The following MAML2 variants were observed in gnomAD, a reference collection of about 807,000 sequenced individuals.
MAML2 encodes mastermind-like protein 2.
In MAML2, 22 loss-of-function variants were observed where a neutral mutation model predicts 96.1. The ratio of observed to expected loss-of-function variants is 0.23; its 90% CI spans 0.16 to 0.33. The LOEUF (loss-of-function observed/expected upper bound fraction) is 0.33, where lower values mean the gene tolerates loss of function less well. Among genes scored for constraint, MAML2 ranks in the 10% least tolerant of loss-of-function variants. MAML2 has a pLI of 1.00. For missense variants in MAML2, 1,367 were observed against 1,392.4 expected (o/e 0.98, Z 0.29); for synonymous variants, 561 against 521.3 (o/e 1.08, Z -1.04).
intron 1 of MAML2, among the ~76,000 whole-genome samples, chr11:96,180,487 T>G (rs1220415004): frequency 6.6e-6 from 1 of 152,224 alleles, no homozygotes; most frequent in Non-Finnish European, 1.5e-5. Context: ...AGACTACATG[T>G]AGGTGTTCTG....
rs141090089 is a variant in MAML2, at chr11:96,041,046, T to C, written c.2140-49323A>G. On this transcript the variant is annotated intron_variant, in intron 2 of 4. Transcript: ENST00000524717. The stretch of plus-strand genomic sequence containing the variant: ...GTTCCAGTATGTGATTATACCACAA[T>C]TTATTTACCCTTCCAGTTGCTGATG... Among the ~76,000 whole-genome samples the C allele has an allele frequency of 3.3e-5, 5 of 152,332 alleles. No individual in the cohort carries two copies. The East Asian group carries it at 7.7e-4, about 24-fold the overall frequency.
At chr11:96,009,035 TTA>T (rs1248420612) in intron 2 of MAML2, among the ~76,000 whole-genome samples, 1 of 152,200 alleles carries the variant, frequency 6.6e-6, no homozygotes, top group Non-Finnish European at 1.5e-5. Context: ...GGGGAAGGTG[TTA>T]TGTTAATAAA....
intron 3 of MAML2, among the ~76,000 whole-genome samples, chr11:95,985,978 A>G (rs1005373783): frequency 6.6e-6 from 1 of 152,188 alleles, no homozygotes; most frequent in Non-Finnish European, 1.5e-5. Flanking sequence ...TTGTCTAAAA[A>G]CAGACACAAA....
At chr11:96,030,127 T>C (rs1327342198) in intron 2 of MAML2, among the ~76,000 whole-genome samples, 2 of 151,764 alleles carry the variant, frequency 1.3e-5, no homozygotes, top group African/African-American at 2.4e-5. Context: ...CTCAGCCTAC[T>C]CGGGAGGCTG....
At chr11:96,186,514 G>A (rs765999746) in intron 1 of MAML2, among the ~76,000 whole-genome samples, 6 of 152,178 alleles carry the variant, frequency 3.9e-5, no homozygotes, top group Non-Finnish European at 7.4e-5. Context: ...TCTTGAACCC[G>A]GGAGGTGGAG....
chr11:96,240,557 CAAAAAAAAAAA>C (rs55659413), intron 1 of MAML2, among the ~76,000 whole-genome samples: 27 of 51,090 alleles, frequency 5.3e-4, no homozygotes, highest in African/African-American at 1.6e-3. Flanking sequence ...GACTCCGTCT[CAAAAAAAAAAA>C]AAAAAAAAAA....
chr11:96,341,674 C>A lies in MAML2; in HGVS notation c.222G>T (p.Leu74Phe), dbSNP rs1354792397. 6.3e-7 allele frequency: 1 copy of A among 1,589,882 alleles called. No individual in the cohort carries two copies. Among genetic ancestry groups the A allele is most frequent in the Non-Finnish European group, 8.6e-7 (1 of 1,167,890 alleles). ...CATGCTGTACAAGGCTCAGGAGCTG[C>A]AAGGTGCTTTCTCTTTCCCGGTCTG... ...ESSDREREST[L>F]QLLSLVQHGQ... The change falls in exon 1 of 5, where the codon TTG becomes TTT. Residue 74 changes from leucine (L) to phenylalanine (F), a missense_variant. By Grantham distance (22) the Leu-to-Phe change is conservative. Coordinates refer to ENST00000524717, the MANE Select transcript of MAML2 (RefSeq NM_032427.4).
At chr11:96,183,399 C>CA (rs1158362552) in intron 1 of MAML2, among the ~76,000 whole-genome samples, 2 of 61,960 alleles carry the variant, frequency 3.2e-5, no homozygotes, top group African/African-American at 6.6e-5. Context: ...TTCCTCCCCC[C>CA]CCCCCCTTTC....
At chr11:96,165,816 G>T (rs1425589965) in intron 1 of MAML2, among the ~76,000 whole-genome samples, 1 of 152,162 alleles carries the variant, frequency 6.6e-6, no homozygotes, top group African/African-American at 2.4e-5. Context: ...TTTTAAAAGA[G>T]AAAAACAGTA....
chr11:96,044,796 T>TCA, intron 2 of MAML2, among the ~76,000 whole-genome samples: 1 of 152,354 alleles, frequency 6.6e-6, no homozygotes, highest in East Asian at 1.9e-4. Flanking sequence ...GAAATGAAAG[T>TCA]TGTTGACGAA....
rs76464475 is a variant in MAML2, at chr11:95,994,231, T to A, written c.2140-2508A>T. 6.1e-3 allele frequency among the ~76,000 whole-genome samples: 925 copies of A among 152,180 alleles called. 9 individuals are homozygous for A. The highest frequency in any genetic ancestry group is 0.021 in the African/African-American group (881 of 41,518). ...GGGGAGTGAGGACAGGGTGGGGAGATCCTCTTCACTAGTTAGTAAAAAATA... is the reference window on the plus strand; with the variant it reads ...GGGGAGTGAGGACAGGGTGGGGAGAACCTCTTCACTAGTTAGTAAAAAATA... On this transcript the variant is annotated intron_variant, in intron 2 of 4. Coordinates refer to ENST00000524717, the MANE Select transcript of MAML2 (RefSeq NM_032427.4).
chr11:96,245,848 G>A (rs186524694), intron 1 of MAML2, among the ~76,000 whole-genome samples: 1,602 of 152,038 alleles, frequency 0.011, 7 homozygotes, highest in Non-Finnish European at 0.016. Context: ...GGGATTACAG[G>A]TGTGCGCCAC....
At chr11:96,071,811 T>C (rs1180082059) in intron 2 of MAML2, among the ~76,000 whole-genome samples, 1 of 152,202 alleles carries the variant, frequency 6.6e-6, no homozygotes, top group African/African-American at 2.4e-5. Context: ...ATCCTGCATA[T>C]ACCTAACATA....
Position 96,069,411 on chromosome 11 carries a change from C to T in MAML2, c.2139+22481G>A, listed in dbSNP as rs148188160. Reference sequence around the variant, plus strand: ...AAAATTGGCTGGGCGAGGTGGCTCACGCCTGTAATCCCAAAACTTTGGGAA... The same window carrying T: ...AAAATTGGCTGGGCGAGGTGGCTCATGCCTGTAATCCCAAAACTTTGGGAA... On this transcript the variant is annotated intron_variant, in intron 2 of 4. Transcript: ENST00000524717. Among the ~76,000 whole-genome samples, 278 of 152,266 alleles carry T rather than the reference C, an allele frequency of 1.8e-3. 2 individuals are homozygous for T. Among genetic ancestry groups the T allele is most frequent in the African/African-American group, 6.4e-3 (265 of 41,552 alleles).
At chr11:96,098,545 T>C (rs1181242896) in intron 1 of MAML2, among the ~76,000 whole-genome samples, 1 of 152,228 alleles carries the variant, frequency 6.6e-6, no homozygotes, top group Non-Finnish European at 1.5e-5. Context: ...GGGAATGATT[T>C]TCAACAAGGG....
intron 1 of MAML2, among the ~76,000 whole-genome samples, chr11:96,290,482 A>G (rs13377289): frequency 1.3e-5 from 2 of 152,232 alleles, no homozygotes; most frequent in African/African-American, 4.8e-5. Context: ...TTGACAGGCT[A>G]GCCCAGAAGC....
At chr11:96,214,872 C>T (rs1228955747) in intron 1 of MAML2, among the ~76,000 whole-genome samples, 1 of 152,194 alleles carries the variant, frequency 6.6e-6, no homozygotes, top group Non-Finnish European at 1.5e-5. Context: ...ATGCTCTGAC[C>T]TTTCTGAGAT....
intron 1 of MAML2, among the ~76,000 whole-genome samples, chr11:96,217,877 G>C (rs370578157): frequency 1.3e-5 from 2 of 152,116 alleles, no homozygotes; most frequent in Non-Finnish European, 2.9e-5. Flanking sequence ...GGAAGATTAC[G>C]ACAATTTTAG....
chr11:96,103,330 T>A (rs1859965208), intron 1 of MAML2, among the ~76,000 whole-genome samples: 1 of 152,144 alleles, frequency 6.6e-6, no homozygotes, highest in Non-Finnish European at 1.5e-5. Context: ...CCTGGGAACA[T>A]CAGATGAGTC....
Sources: allele counts gnomAD v4.1 joint callset (sites outside exome capture counted in the v4.1 genomes callset), GRCh38; gene constraint gnomAD v4.1.1; transcripts MANE v1.5; gene names NCBI Gene and HGNC (gene_info 2026-07-23, HGNC 2026-07-21).